Variants in NEK7 observed in about 807,000 individuals in gnomAD.
NEK7 encodes the protein NIMA related kinase 7, also known as serine/threonine-protein kinase Nek7.
NEK7 carries 18 observed loss-of-function variants against 44.6 expected under a neutral mutation model. That is an observed-to-expected ratio of 0.40 (90% CI 0.28 to 0.60). The LOEUF (loss-of-function observed/expected upper bound fraction) is 0.60. NEK7 is among the 20% of genes least tolerant of loss of function. The pLI is 0.38. For synonymous variants in NEK7, 130 were observed against 121.1 expected (o/e 1.07, Z -0.48); for missense variants, 256 against 366.5 (o/e 0.70, Z 2.46).
chr1:198,229,276 G>C (rs1666317072), intron 1 of NEK7, among the ~76,000 whole-genome samples: 1 of 152,170 alleles, frequency 6.6e-6, no homozygotes, highest in Non-Finnish European at 1.5e-5. Context: ...TCTGGGGAGG[G>C]CATGGAAGCT....
chr1:198,229,944 A>G (rs1189306573), intron 1 of NEK7, among the ~76,000 whole-genome samples: 2 of 152,172 alleles, frequency 1.3e-5, no homozygotes, highest in African/African-American at 4.8e-5. Flanking sequence ...ACTTTATTAT[A>G]ACCTAGTACA....
rs141795666 is a variant in NEK7 at position 198,164,085 on chromosome 1, G to GCAA, written c.-29+6828_-29+6830dup. 2.7e-3 allele frequency among the ~76,000 whole-genome samples: 417 copies of GCAA among 151,982 alleles called. 1 individual carries two copies. Among genetic ancestry groups the GCAA allele is most frequent in the Middle Eastern group, 0.024 (7 of 294 alleles). ...ACAAAACCCCATCTTTACTAAAAAT[G>GCAA]CAACAACAACAACAACAACAAAAAA... is the stretch of plus-strand genomic sequence containing the variant. On this transcript the variant is annotated intron_variant, in intron 1 of 9. Coordinates refer to ENST00000367385, the MANE Select transcript of NEK7 (RefSeq NM_133494.3).
At chr1:198,183,143 G>A (rs1938375) in intron 1 of NEK7, among the ~76,000 whole-genome samples, 22,650 of 152,108 alleles carry the variant, frequency 0.15, 1,864 homozygotes, top group East Asian at 0.22. Flanking sequence ...TGGTATTTGT[G>A]AAATGAAAAA....
chr1:198,284,444 G>A lies in NEK7; in HGVS notation c.589+5383G>A, dbSNP rs184495953. Among the ~76,000 whole-genome samples the A allele has an allele frequency of 3.9e-5, 6 of 152,230 alleles. No homozygotes were observed. The East Asian group carries it at 1.2e-3, about 29-fold the overall frequency. Reference sequence around the variant, plus strand: ...ACTCTTGCTGCTCCAAGATTCAGAAGTAAACAGGAAATAGGCCGCTAGGAT... The same window carrying A: ...ACTCTTGCTGCTCCAAGATTCAGAAATAAACAGGAAATAGGCCGCTAGGAT... On this transcript the variant is annotated intron_variant, in intron 7 of 9. Coordinates refer to ENST00000367385, the MANE Select transcript of NEK7 (RefSeq NM_133494.3).
At chr1:198,184,950 T>C (rs1664874596) in intron 1 of NEK7, among the ~76,000 whole-genome samples, 1 of 152,058 alleles carries the variant, frequency 6.6e-6, no homozygotes, top group African/African-American at 2.4e-5. Context: ...TTCAAGTCAT[T>C]TTCTTCCCTT....
chr1:198,169,675 A>G (rs574221149), intron 1 of NEK7, among the ~76,000 whole-genome samples: 79 of 149,218 alleles, frequency 5.3e-4, no homozygotes, highest in Non-Finnish European at 8.9e-4. Flanking sequence ...TCCATTTTCC[A>G]TATGTCACTG....
At chr1:198,217,398 A>G (rs1665951927) in intron 1 of NEK7, among the ~76,000 whole-genome samples, 1 of 127,958 alleles carries the variant, frequency 7.8e-6, no homozygotes, top group Non-Finnish European at 1.5e-5. Context: ...GCATCTCCTT[A>G]TGATAAAAAC....
Position 198,309,600 on chromosome 1 carries a change from C to G in NEK7, c.799-9812C>G, listed in dbSNP as rs572054870. Among the ~76,000 whole-genome samples the G allele has an allele frequency of 2.8e-3, 427 of 151,874 alleles. 4 individuals carry two copies. In the Middle Eastern group the frequency reaches 0.031, roughly 11 times the overall value. ...CAATGCTATCCCTCCCTCCTCCCCC[C>G]ACCCCACAACAGTCCCCAGAGTGTG... On this transcript the variant is annotated intron_variant, in intron 9 of 9. Transcript: ENST00000367385.
At chr1:198,250,767 A>T (rs1399880668) in intron 2 of NEK7, among the ~76,000 whole-genome samples, 44 of 141,622 alleles carry the variant, frequency 3.1e-4, no homozygotes, top group African/African-American at 1.1e-3. Flanking sequence ...TTATCAGCTT[A>T]AGGAGATTTT....
At chr1:198,310,132 C>T (rs1294049067) in intron 9 of NEK7, among the ~76,000 whole-genome samples, 2 of 152,158 alleles carry the variant, frequency 1.3e-5, no homozygotes, top group African/African-American at 4.8e-5. Flanking sequence ...TAATGATTGC[C>T]ATTCTAACTG....
At chr1:198,213,740 G>A (rs1375444366) in intron 1 of NEK7, among the ~76,000 whole-genome samples, 1 of 152,042 alleles carries the variant, frequency 6.6e-6, no homozygotes. Context: ...CTTTCCCCTT[G>A]AAAGATGTCA....
chr1:198,226,270 C>T (rs1241307285), intron 1 of NEK7, among the ~76,000 whole-genome samples: 1 of 152,060 alleles, frequency 6.6e-6, no homozygotes, highest in Non-Finnish European at 1.5e-5. Context: ...GAAGTCTGGG[C>T]GTGATGGCTC....
chr1:198,259,816 C>CAT (rs1259943942), intron 3 of NEK7, among the ~76,000 whole-genome samples: 1 of 152,072 alleles, frequency 6.6e-6, no homozygotes, highest in Non-Finnish European at 1.5e-5. Flanking sequence ...CACACTCACA[C>CAT]ACACACACAC....
intron 1 of NEK7, among the ~76,000 whole-genome samples, chr1:198,211,507 T>C (rs1665769325): frequency 6.6e-6 from 1 of 152,232 alleles, no homozygotes; most frequent in Admixed American, 6.5e-5. Flanking sequence ...GTGCTTACTT[T>C]TCATTATTTT....
intron 1 of NEK7, among the ~76,000 whole-genome samples, chr1:198,160,019 T>C (rs986695780): frequency 1.4e-4 from 21 of 152,252 alleles, no homozygotes; most frequent in Middle Eastern, 3.4e-3. Context: ...TCTTTTTTTT[T>C]CCCCTCAATT....
At chr1:198,188,086 C>T (rs544320575) in intron 1 of NEK7, among the ~76,000 whole-genome samples, 2 of 152,276 alleles carry the variant, frequency 1.3e-5, no homozygotes, top group South Asian at 4.1e-4. Context: ...TCTGTGTTTG[C>T]TTAGGGAATC....
At chr1:198,179,094 G>A (rs1465601654) in intron 1 of NEK7, among the ~76,000 whole-genome samples, 1 of 147,458 alleles carries the variant, frequency 6.8e-6, no homozygotes, top group Admixed American at 6.8e-5. Flanking sequence ...TCATATGTTT[G>A]TCCTTATTTC....
chr1:198,176,154 T>C (rs1182999893), intron 1 of NEK7, among the ~76,000 whole-genome samples: 3 of 152,224 alleles, frequency 2.0e-5, no homozygotes, highest in Admixed American at 6.5e-5. Context: ...ATTCAACAAA[T>C]ATTTATTGGA....
At chr1:198,282,812 T>C (rs932148791) in intron 7 of NEK7, among the ~76,000 whole-genome samples, 10 of 152,142 alleles carry the variant, frequency 6.6e-5, no homozygotes, top group Non-Finnish European at 1.5e-5. Flanking sequence ...ATACCTGTTA[T>C]ATGCAGGTGC....
Sources: allele counts gnomAD v4.1 joint callset (sites outside exome capture counted in the v4.1 genomes callset), GRCh38; gene constraint gnomAD v4.1.1; transcripts MANE v1.5; gene names NCBI Gene and HGNC (gene_info 2026-07-23, HGNC 2026-07-21).